Variants in SRBD1 observed in about 807,000 individuals in gnomAD.
SRBD1 encodes the protein S1 RNA binding domain 1, also known as S1 RNA-binding domain-containing protein 1.
A neutral mutation model predicts 115.3 loss-of-function variants in SRBD1; 88 were observed. The ratio of observed to expected loss-of-function variants is 0.76; its 90% CI spans 0.64 to 0.91. SRBD1 has a LOEUF of 0.91. Ranked by LOEUF, SRBD1 falls within the 40% of genes least tolerant of loss-of-function variation. SRBD1 has a pLI of 0.00. For missense variants in SRBD1, 1,385 were observed against 1,177.4 expected (o/e 1.18, Z -2.58); for synonymous variants, 509 against 407.7 (o/e 1.25, Z -2.99).
rs530341841 is a variant in SRBD1 at position 45,433,912 on chromosome 2, T to C, written c.2050-14018A>G. Among the ~76,000 whole-genome samples the C allele has an allele frequency of 2.6e-5, 4 of 152,340 alleles. No individual in the cohort carries two copies. The East Asian group carries it at 5.8e-4, about 22-fold the overall frequency. On this transcript the variant is annotated intron_variant, in intron 16 of 20. Coordinates refer to ENST00000263736, the MANE Select transcript of SRBD1 (RefSeq NM_018079.5). ...ATAAACTTGTAAAATAAATAATTCA[T>C]TGTGCCTATAAGGCTCTGGGATTAA... is the stretch of plus-strand genomic sequence containing the variant.
intron 14 of SRBD1, among the ~76,000 whole-genome samples, chr2:45,495,500 C>T (rs1206107216): frequency 5.9e-5 from 9 of 152,128 alleles, no homozygotes; most frequent in East Asian, 3.9e-4. Flanking sequence ...CCTCTCTCCC[C>T]GCATTCTGCT....
In SRBD1 at chr2:45,605,362, A is replaced by C; in HGVS notation, c.80T>G (p.Leu27Ter). 6.2e-7 allele frequency: 1 copy of C among 1,612,998 alleles called. No individual in the cohort carries two copies. Residue 27 changes from leucine (L) to a stop codon, truncating the protein, a stop_gained and splice_region_variant, in exon 2 of 21, where the codon TTA (leucine) becomes TGA (stop). Coordinates refer to ENST00000263736, the MANE Select transcript of SRBD1 (RefSeq NM_018079.5). LOFTEE classifies it high-confidence loss of function. Reference sequence around the variant, plus strand: ...CCACATATTAAACCAGTATGCTTACAACTCAGAGAATGAAGAAAATTCATC... The same window carrying C: ...CCACATATTAAACCAGTATGCTTACCACTCAGAGAATGAAGAAAATTCATC... ...LKDEFSSFSE[L>*]SSASEEDDKE... is the part of the protein sequence containing the mutation.
Position 45,587,315 on chromosome 2 carries a change from GATTA to G in SRBD1, c.649-1545_649-1542del, listed in dbSNP as rs1243771065. Among the ~76,000 whole-genome samples the G allele has an allele frequency of 8.1e-5, 12 of 148,498 alleles. 1 individual carries two copies. The highest frequency in any genetic ancestry group is 7.8e-4 in the East Asian group (4 of 5,142). On this transcript the variant is annotated intron_variant, in intron 4 of 20. Coordinates refer to ENST00000263736, the MANE Select transcript of SRBD1 (RefSeq NM_018079.5). Reference sequence around the variant, plus strand: ...AATATTTACAATAATATTAAAAGATGATTAATTATTTAAATATTTAATTATTTTT... The same window carrying G: ...AATATTTACAATAATATTAAAAGATGATTATTTAAATATTTAATTATTTTT...
chr2:45,502,954 G>C (rs1475852228), intron 14 of SRBD1, among the ~76,000 whole-genome samples: 1 of 152,114 alleles, frequency 6.6e-6, no homozygotes, highest in African/African-American at 2.4e-5. Flanking sequence ...CAAAGTGCTG[G>C]GATGACAGGC....
intron 14 of SRBD1, among the ~76,000 whole-genome samples, chr2:45,491,654 T>C (rs1471227511): frequency 6.6e-6 from 1 of 152,188 alleles, no homozygotes; most frequent in Non-Finnish European, 1.5e-5. Context: ...TATAATTAAA[T>C]TGATAATTTA....
At chr2:45,423,576 A>C (rs1161510243) in intron 16 of SRBD1, among the ~76,000 whole-genome samples, 2 of 152,158 alleles carry the variant, frequency 1.3e-5, no homozygotes, top group East Asian at 3.8e-4. Context: ...CCCAACAAAA[A>C]AAAGTTCAGA....
At chr2:45,455,089 T>C (rs1039297235) in intron 16 of SRBD1, among the ~76,000 whole-genome samples, 4 of 151,918 alleles carry the variant, frequency 2.6e-5, no homozygotes, top group Non-Finnish European at 5.9e-5. Flanking sequence ...TAGTTTGCTA[T>C]AAAATGTTTT....
At chr2:45,418,577 C>G (rs1248443710) in intron 17 of SRBD1, 36 bp from the exon 18 acceptor site, 3 of 1,550,366 alleles carry the variant, frequency 1.9e-6, no homozygotes, top group Non-Finnish European at 2.6e-6. Flanking sequence ...AAAAAAAGAT[C>G]TCATCTGAAA....
chr2:45,467,040 T>A (rs1266953573), intron 16 of SRBD1, among the ~76,000 whole-genome samples: 1 of 152,216 alleles, frequency 6.6e-6, no homozygotes, highest in Non-Finnish European at 1.5e-5. Context: ...TAGAGACCAG[T>A]GGTTCTCAAA....
intron 4 of SRBD1, among the ~76,000 whole-genome samples, chr2:45,592,739 C>T (rs8179549): frequency 6.6e-6 from 1 of 152,164 alleles, no homozygotes; most frequent in African/African-American, 2.4e-5. Flanking sequence ...AGTCAACCCC[C>T]TTTTCAAGAG....
At chr2:45,422,861 T>C (rs976645189) in intron 16 of SRBD1, among the ~76,000 whole-genome samples, 1 of 152,172 alleles carries the variant, frequency 6.6e-6, no homozygotes, top group African/African-American at 2.4e-5. Flanking sequence ...TTTTAACTGA[T>C]TTAGTATAAG....
chr2:45,521,381 T>C (rs912884618), intron 14 of SRBD1, among the ~76,000 whole-genome samples: 2 of 150,986 alleles, frequency 1.3e-5, no homozygotes, highest in Non-Finnish European at 2.9e-5. Flanking sequence ...GAGATACAAA[T>C]AGCCAATAAG....
At chr2:45,400,853 T>C (rs1667273500) in intron 19 of SRBD1, among the ~76,000 whole-genome samples, 1 of 152,160 alleles carries the variant, frequency 6.6e-6, no homozygotes, top group Non-Finnish European at 1.5e-5. Flanking sequence ...CAAACAGCCA[T>C]GATTTGAATC....
chr2:45,405,210 A>G (rs763120117), intron 19 of SRBD1, among the ~76,000 whole-genome samples: 3 of 152,184 alleles, frequency 2.0e-5, no homozygotes, highest in Non-Finnish European at 4.4e-5. Context: ...GCATAACAGT[A>G]CTTGGAATAT....
intron 16 of SRBD1, among the ~76,000 whole-genome samples, chr2:45,420,214 C>T (rs1667955210): frequency 6.6e-6 from 1 of 152,206 alleles, no homozygotes; most frequent in East Asian, 1.9e-4. Flanking sequence ...CACCCACATC[C>T]AGATTCCTGA....
chr2:45,402,613 GA>G (rs1217253997), intron 19 of SRBD1, among the ~76,000 whole-genome samples: 1 of 152,152 alleles, frequency 6.6e-6, no homozygotes. Context: ...GGGAAAAATT[GA>G]AATAACAAAT....
chr2:45,488,894 G>A (rs931860691), intron 14 of SRBD1, among the ~76,000 whole-genome samples: 1 of 151,014 alleles, frequency 6.6e-6, no homozygotes, highest in Admixed American at 6.6e-5. Context: ...GATGTCATCC[G>A]ACTTCTTTTC....
intron 16 of SRBD1, among the ~76,000 whole-genome samples, chr2:45,436,986 G>T (rs1668517466): frequency 2.0e-5 from 3 of 151,898 alleles, no homozygotes; most frequent in African/African-American, 2.4e-5. Flanking sequence ...ATAAATAAGT[G>T]GTATTTAAAA....
intron 19 of SRBD1, among the ~76,000 whole-genome samples, chr2:45,407,026 G>T (rs1174747256): frequency 6.6e-6 from 1 of 152,096 alleles, no homozygotes; most frequent in Non-Finnish European, 1.5e-5. Flanking sequence ...CTTTTTCATT[G>T]TAGCCTAGTT....
Sources: allele counts gnomAD v4.1 joint callset (sites outside exome capture counted in the v4.1 genomes callset), GRCh38; gene constraint gnomAD v4.1.1; transcripts MANE v1.5; gene names NCBI Gene and HGNC (gene_info 2026-07-23, HGNC 2026-07-21).